Variants in PCDH7 observed in about 807,000 individuals in gnomAD.
PCDH7 encodes the protein protocadherin 7.
PCDH7 carries 17 observed loss-of-function variants against 58.9 expected under a neutral mutation model. The ratio of observed to expected loss-of-function variants is 0.29; its 90% CI spans 0.20 to 0.43. The LOEUF (loss-of-function observed/expected upper bound fraction) is 0.43. Ranked by LOEUF, PCDH7 falls within the 20% of genes least tolerant of loss-of-function variation. The pLI, the probability that PCDH7 is intolerant of heterozygous loss-of-function variation, is 1.00. For missense variants in PCDH7, 1,274 were observed against 1,441.0 expected (o/e 0.88, Z 1.88); for synonymous variants, 664 against 616.4 (o/e 1.08, Z -1.14).
chr4:30,829,568 G>A (rs1247770704), intron 1 of PCDH7, among the ~76,000 whole-genome samples: 1 of 152,030 alleles, frequency 6.6e-6, no homozygotes, highest in East Asian at 1.9e-4. Flanking sequence ...GCAACAGCCT[G>A]AACCCACAGA....
At chr4:31,033,905 C>A (rs1038813336) in intron 3 of PCDH7, among the ~76,000 whole-genome samples, 3 of 152,048 alleles carry the variant, frequency 2.0e-5, no homozygotes, top group African/African-American at 7.2e-5. Context: ...ACCAGCCTAG[C>A]CAACATGGTG....
At chr4:30,876,227 A>G (rs901996598) in intron 1 of PCDH7, among the ~76,000 whole-genome samples, 5 of 152,102 alleles carry the variant, frequency 3.3e-5, no homozygotes, top group Admixed American at 1.3e-4. Flanking sequence ...CATCTAGTGA[A>G]TAGGAAAACA....
intron 3 of PCDH7, among the ~76,000 whole-genome samples, chr4:30,964,372 G>A (rs1748794188): frequency 6.6e-6 from 1 of 151,742 alleles, no homozygotes; most frequent in African/African-American, 2.4e-5. Flanking sequence ...CTCCCGAGTA[G>A]CTGGGACTAC....
rs565873948 is a variant in PCDH7 at position 31,068,244 on chromosome 4, G to A, written c.*8-74229G>A. Reference sequence around the variant, plus strand: ...GGAGTAGATAATGTATGAAGGCATGGAGTAGATGGGAAATCTCTGTATCTT... The same window carrying A: ...GGAGTAGATAATGTATGAAGGCATGAAGTAGATGGGAAATCTCTGTATCTT... On this transcript the variant is annotated intron_variant, in intron 3 of 3. Coordinates refer to the PCDH7 transcript ENST00000509759. Among the ~76,000 whole-genome samples, 9 of 151,686 alleles carry A rather than the reference G, an allele frequency of 5.9e-5. No homozygotes were observed. The South Asian group carries it at 1.9e-3, about 32-fold the overall frequency.
chr4:31,079,371 A>C (rs1759309822), intron 3 of PCDH7, among the ~76,000 whole-genome samples: 1 of 120,386 alleles, frequency 8.3e-6, no homozygotes, highest in African/African-American at 3.1e-5. Flanking sequence ...TATACACCAC[A>C]TTTTCAAAAT....
At chr4:31,102,472 C>G (rs59015823) in intron 3 of PCDH7, among the ~76,000 whole-genome samples, 21,538 of 152,028 alleles carry the variant, frequency 0.14, 1,860 homozygotes, top group Middle Eastern at 0.21. Flanking sequence ...CCTGTAATTC[C>G]AGCACTTTGG....
chr4:30,787,060 C>A (rs1399867068), intron 1 of PCDH7, among the ~76,000 whole-genome samples: 1 of 152,002 alleles, frequency 6.6e-6, no homozygotes, highest in Non-Finnish European at 1.5e-5. Context: ...GCAATCTTAT[C>A]AATTACTGTG....
At chr4:30,767,080 C>G (rs968315973) in intron 1 of PCDH7, among the ~76,000 whole-genome samples, 2 of 151,878 alleles carry the variant, frequency 1.3e-5, no homozygotes, top group Admixed American at 6.6e-5. Flanking sequence ...TCTTAAATCA[C>G]TAGTGGGCTG....
intron 1 of PCDH7, among the ~76,000 whole-genome samples, chr4:30,911,758 T>C (rs1007086260): frequency 1.3e-5 from 2 of 152,150 alleles, no homozygotes; most frequent in African/African-American, 4.8e-5. Flanking sequence ...AGTCTGAATA[T>C]TGAAATTCAT....
At chr4:30,846,793 TA>T (rs1306097244) in intron 1 of PCDH7, among the ~76,000 whole-genome samples, 5 of 152,176 alleles carry the variant, frequency 3.3e-5, no homozygotes, top group African/African-American at 1.2e-4. Context: ...CAGGTATGTT[TA>T]GCCTCCAGTT....
intron 3 of PCDH7, among the ~76,000 whole-genome samples, chr4:31,072,000 G>A (rs970365890): frequency 1.3e-5 from 2 of 151,882 alleles, no homozygotes; most frequent in South Asian, 2.1e-4. Flanking sequence ...TACTGTCTTC[G>A]CTTTTCTAAG....
chr4:30,909,282 G>T (rs1188509855), intron 1 of PCDH7, among the ~76,000 whole-genome samples: 2 of 152,158 alleles, frequency 1.3e-5, no homozygotes, highest in Non-Finnish European at 2.9e-5. Context: ...AGACAAGGAT[G>T]CCCTCTCTCA....
intron 1 of PCDH7, among the ~76,000 whole-genome samples, chr4:30,905,364 T>A (rs1740783657): frequency 6.6e-6 from 1 of 152,064 alleles, no homozygotes; most frequent in African/African-American, 2.4e-5. Context: ...ATCGACCTCA[T>A]TCAGCTGCGT....
chr4:31,013,300 G>A (rs77501988), intron 3 of PCDH7, among the ~76,000 whole-genome samples: 16,471 of 139,574 alleles, frequency 0.12, 2,492 homozygotes, highest in African/African-American at 0.32. Context: ...ATATATCTAA[G>A]ACTATATATG....
chr4:30,862,411 A>G (rs2109355213), intron 1 of PCDH7, among the ~76,000 whole-genome samples: 1 of 152,302 alleles, frequency 6.6e-6, no homozygotes, highest in South Asian at 2.1e-4. Flanking sequence ...TCCACAATGT[A>G]GAACATCATG....
At chr4:30,784,926 T>A (rs1448525803) in intron 1 of PCDH7, among the ~76,000 whole-genome samples, 1 of 152,028 alleles carries the variant, frequency 6.6e-6, no homozygotes, top group African/African-American at 2.4e-5. Flanking sequence ...ATATTAAAAT[T>A]ACATATGTGA....
intron 1 of PCDH7, among the ~76,000 whole-genome samples, chr4:30,796,585 C>T (rs1204228454): frequency 6.6e-6 from 1 of 152,168 alleles, no homozygotes. Context: ...ACATAGAAGG[C>T]TAAAATATTC....
rs1728302585 is a variant in PCDH7 at position 30,820,980 on chromosome 4, T to TGGCTTAAATATTGATAC, written c.70+96385_70+96401dup. On this transcript the variant is annotated intron_variant, in intron 1 of 3. Coordinates refer to the PCDH7 transcript ENST00000509759. Reference sequence around the variant, plus strand: ...CCTCATTTAAAAAAAATGACACTAATGGCTTAAATATTGATACTGGAACAT... The same window carrying TGGCTTAAATATTGATAC: ...CCTCATTTAAAAAAAATGACACTAATGGCTTAAATATTGATACGGCTTAAATATTGATACTGGAACAT... 3.9e-5 allele frequency among the ~76,000 whole-genome samples: 6 copies of TGGCTTAAATATTGATAC among 152,290 alleles called. No individual in the cohort carries two copies. In the South Asian group the frequency reaches 1.2e-3, roughly 32 times the overall value.
chr4:30,722,431 G>T lies in PCDH7; in HGVS notation c.1009G>T (p.Val337Leu), dbSNP rs765998405. ...GCAACTGCGCGCAGCCGACTTGGAC[G>T]TGGGGGTCAACGGGCAGATCGAATA... The change falls in exon 1 of 2, where the codon GTG becomes TTG. Residue 337 changes from valine (V) to leucine (L), a missense_variant. Coordinates refer to ENST00000361762, the Ensembl canonical transcript of PCDH7. This position sits in a 1 kb window ranked among gnomAD's most constrained non-coding sequence, Gnocchi z 7.6. The T allele has an allele frequency of 3.7e-6, 6 of 1,612,482 alleles. No individual in the cohort carries two copies. In the East Asian group the frequency reaches 1.3e-4, roughly 36 times the overall value.
Sources: allele counts gnomAD v4.1 joint callset (sites outside exome capture counted in the v4.1 genomes callset), GRCh38; gene constraint gnomAD v4.1.1; non-coding constraint Gnocchi (gnomAD v3.1); transcripts MANE v1.5; gene names NCBI Gene and HGNC (gene_info 2026-07-23, HGNC 2026-07-21).